The following NKAIN2 variants were observed in gnomAD, a reference collection of about 807,000 sequenced individuals.
NKAIN2 encodes sodium/potassium-transporting ATPase subunit beta-1-interacting protein 2.
Under a neutral mutation model 32.6 loss-of-function variants are expected in NKAIN2, and 14 were observed. That is an observed-to-expected ratio of 0.43 (90% CI 0.28 to 0.67). NKAIN2 has a LOEUF of 0.67. Ranked by LOEUF, NKAIN2 falls within the 30% of genes least tolerant of loss-of-function variation. The pLI is 0.17. For synonymous variants in NKAIN2, 80 were observed against 87.2 expected (o/e 0.92, Z 0.46); for missense variants, 198 against 258.3 (o/e 0.77, Z 1.60).
intron 1 of NKAIN2, among the ~76,000 whole-genome samples, chr6:123,985,222 A>G (rs1290940170): frequency 6.6e-6 from 1 of 152,084 alleles, no homozygotes; most frequent in Non-Finnish European, 1.5e-5. Context: ...AACATGATGA[A>G]ACCCCGTTTC....
intron 1 of NKAIN2, among the ~76,000 whole-genome samples, chr6:124,020,573 A>G (rs1780817171): frequency 6.6e-6 from 1 of 152,178 alleles, no homozygotes; most frequent in Non-Finnish European, 1.5e-5. Context: ...ATAAAAAACA[A>G]AGATTTAAAG....
At chr6:124,025,572 G>A (rs1562315181) in intron 1 of NKAIN2, among the ~76,000 whole-genome samples, 2 of 152,110 alleles carry the variant, frequency 1.3e-5, no homozygotes, top group South Asian at 2.1e-4. Flanking sequence ...TGGTCAAAGG[G>A]TACAAAGTTC....
intron 3 of NKAIN2, among the ~76,000 whole-genome samples, chr6:124,424,715 C>A (rs1187753449): frequency 6.6e-6 from 1 of 152,042 alleles, no homozygotes; most frequent in East Asian, 1.9e-4. Flanking sequence ...TAATGACCCC[C>A]CCACCAGGTT....
intron 1 of NKAIN2, among the ~76,000 whole-genome samples, chr6:123,851,705 G>A (rs1465758075): frequency 2.0e-5 from 3 of 151,942 alleles, no homozygotes; most frequent in African/African-American, 7.3e-5. Flanking sequence ...GTGATGTCGA[G>A]CTTTTTAAAA....
chr6:123,938,027 A>G (rs1776599867), intron 1 of NKAIN2, among the ~76,000 whole-genome samples: 1 of 36,964 alleles, frequency 2.7e-5, no homozygotes, highest in Admixed American at 2.8e-4. Context: ...CTCAGTCCTG[A>G]TATGTTTGAG....
At chr6:124,233,564 A>G (rs535110730) in intron 1 of NKAIN2, among the ~76,000 whole-genome samples, 2 of 152,272 alleles carry the variant, frequency 1.3e-5, no homozygotes, top group South Asian at 4.1e-4. Context: ...TCCTTTCCTC[A>G]AATTCACTCT....
At chr6:124,383,415 C>T (rs1261556255) in intron 3 of NKAIN2, among the ~76,000 whole-genome samples, 6 of 152,130 alleles carry the variant, frequency 3.9e-5, no homozygotes, top group Admixed American at 1.3e-4. Flanking sequence ...CTGTAAGCTA[C>T]GGAATAAAAT....
intron 4 of NKAIN2, among the ~76,000 whole-genome samples, chr6:124,769,629 A>G (rs1778663301): frequency 2.0e-5 from 3 of 152,162 alleles, no homozygotes; most frequent in Non-Finnish European, 4.4e-5. Context: ...CAATGCACCT[A>G]AACGATACAC....
At chr6:124,269,256 T>G (rs892616357) in intron 1 of NKAIN2, among the ~76,000 whole-genome samples, 2 of 152,120 alleles carry the variant, frequency 1.3e-5, no homozygotes, top group African/African-American at 2.4e-5. Context: ...TGACTACTTC[T>G]TTTCAGAGCA....
At chr6:124,267,228 G>T (rs1183347356) in intron 1 of NKAIN2, among the ~76,000 whole-genome samples, 1 of 152,108 alleles carries the variant, frequency 6.6e-6, no homozygotes, top group East Asian at 1.9e-4. Flanking sequence ...ATTTATCTAT[G>T]ACAAGAAAAT....
chr6:124,482,423 A>C (rs528248207), intron 3 of NKAIN2, among the ~76,000 whole-genome samples: 8 of 152,214 alleles, frequency 5.3e-5, no homozygotes, highest in Non-Finnish European at 1.2e-4. Flanking sequence ...ACGTCCTTTT[A>C]AAATGCAAAC....
chr6:124,216,895 G>T (rs1355736302), intron 1 of NKAIN2, among the ~76,000 whole-genome samples: 2 of 152,052 alleles, frequency 1.3e-5, no homozygotes, highest in East Asian at 3.9e-4. Flanking sequence ...ATAAAGCAAT[G>T]GTTCATGTGG....
At chr6:123,990,489 G>A (rs1223614133) in intron 1 of NKAIN2, among the ~76,000 whole-genome samples, 1 of 152,126 alleles carries the variant, frequency 6.6e-6, no homozygotes, top group Non-Finnish European at 1.5e-5. Context: ...ACATTACGTT[G>A]TAAGACTAGT....
intron 1 of NKAIN2, among the ~76,000 whole-genome samples, chr6:124,157,102 CA>C (rs386408503): frequency 0.019 from 910 of 48,896 alleles, 1 homozygote; most frequent in African/African-American, 0.077. Context: ...GACTCTGTCT[CA>C]AAAAAAAAAA....
intron 1 of NKAIN2, among the ~76,000 whole-genome samples, chr6:123,828,048 T>A (rs1335562112): frequency 2.0e-5 from 3 of 152,172 alleles, no homozygotes; most frequent in African/African-American, 7.2e-5. Context: ...TTCTTTGGAA[T>A]AGCCTTCTGT....
chr6:124,100,880 C>A (rs1315931731), intron 1 of NKAIN2, among the ~76,000 whole-genome samples: 4 of 152,028 alleles, frequency 2.6e-5, no homozygotes, highest in African/African-American at 9.7e-5. Flanking sequence ...GGCAAGGAAG[C>A]AAAAAGAGGC....
chr6:124,625,575 G>A (rs1469030836), intron 3 of NKAIN2, among the ~76,000 whole-genome samples: 1 of 152,096 alleles, frequency 6.6e-6, no homozygotes, highest in African/African-American at 2.4e-5. Context: ...AAAACCAGTG[G>A]TGCAGCAAGA....
At chr6:124,588,027 C>T (rs780200558) in intron 3 of NKAIN2, among the ~76,000 whole-genome samples, 3 of 152,110 alleles carry the variant, frequency 2.0e-5, no homozygotes, top group Admixed American at 6.5e-5. Context: ...ATCAAATGAG[C>T]ATGTTCCACT....
chr6:124,806,119 G>T (rs1423053940), intron 5 of NKAIN2, among the ~76,000 whole-genome samples: 2 of 152,092 alleles, frequency 1.3e-5, no homozygotes, highest in Non-Finnish European at 2.9e-5. Flanking sequence ...CCAACGTTCA[G>T]ATTCAGGAAA....
Sources: gnomAD v4.1 joint callset for allele counts (sites outside exome capture counted in the v4.1 genomes callset) on GRCh38, gnomAD v4.1.1 for gene constraint, MANE v1.5 for transcripts, NCBI Gene and HGNC (gene_info 2026-07-23, HGNC 2026-07-21) for gene names.